The following FEZ1 variants were observed in gnomAD, a reference collection of about 807,000 sequenced individuals.
The protein encoded by FEZ1 is fasciculation and elongation protein zeta 1.
FEZ1 carries 20 observed loss-of-function variants against 49.3 expected under a neutral mutation model. The observed-to-expected ratio is 0.41, with a 90% CI of 0.29 to 0.59. FEZ1 has a LOEUF of 0.59. FEZ1 is among the 20% of genes least tolerant of loss of function. The pLI is 0.36. For synonymous variants in FEZ1, 170 were observed against 180.9 expected (o/e 0.94, Z 0.48); for missense variants, 413 against 476.0 (o/e 0.87, Z 1.23).
At position 125,489,550 on chromosome 11, in the gene FEZ1, G is replaced by A. The variant is rs1957362026; in HGVS notation, c.228C>T (p.Asn76=). 1 of 1,614,152 alleles carries A rather than the reference G, an allele frequency of 6.2e-7. No individual in the cohort carries two copies. The change falls in exon 2 of 10, where the codon AAC becomes AAT. Residue 76 remains asparagine (N), a synonymous_variant. Transcript: ENST00000278919. The surrounding 1 kb of genome is among the most constrained non-coding windows in gnomAD (Gnocchi z 4.2). ...FDEKLNVCFR[N]YNAKTENLAP... is the part of the protein sequence containing the mutation. ...CTAGGTTCTCGGTCTTGGCGTTGTAGTTCCGAAAGCAGACATTGAGCTTCT... is the reference window on the plus strand; with the variant it reads ...CTAGGTTCTCGGTCTTGGCGTTGTAATTCCGAAAGCAGACATTGAGCTTCT...
intron 6 of FEZ1, 138 bp from the exon 7 acceptor site, chr11:125,454,348 T>C: frequency 1.8e-6 from 1 of 546,756 alleles, no homozygotes; most frequent in Non-Finnish European, 3.2e-6. Flanking sequence ...AGACACTGGC[T>C]TACAGAGACA....
intron 3 of FEZ1, among the ~76,000 whole-genome samples, chr11:125,480,727 A>G (rs1957271150): frequency 1.3e-5 from 2 of 152,164 alleles, no homozygotes; most frequent in Non-Finnish European, 2.9e-5. Context: ...ATGTTGTAGT[A>G]CACAGGTTAG....
intron 1 of FEZ1, among the ~76,000 whole-genome samples, chr11:125,491,717 A>G (rs1957384308): frequency 6.6e-6 from 1 of 152,212 alleles, no homozygotes; most frequent in Non-Finnish European, 1.5e-5. Context: ...GGCAAAGGAC[A>G]TGCCAGGCAA....
In FEZ1 at chr11:125,470,252, C is replaced by T. The variant is rs576715766; in HGVS notation, c.412-6682G>A. ...CATTTAAAAACTACAAAGATGTACA[C>T]TTACTAAGACCAGAAAAAAATTTTA... On this transcript the variant is annotated intron_variant, in intron 3 of 9. Coordinates refer to ENST00000278919, the MANE Select transcript of FEZ1 (RefSeq NM_005103.5). Among the ~76,000 whole-genome samples the T allele has an allele frequency of 1.0e-4, 15 of 150,728 alleles. 1 individual carries two copies. In the South Asian group the frequency reaches 3.1e-3, roughly 31 times the overall value.
intron 3 of FEZ1, among the ~76,000 whole-genome samples, chr11:125,466,529 G>A (rs1301485382): frequency 3.3e-5 from 5 of 151,740 alleles, no homozygotes; most frequent in Non-Finnish European, 5.9e-5. Context: ...TACTATTGAC[G>A]TGAACTATGC....
intron 3 of FEZ1, among the ~76,000 whole-genome samples, chr11:125,471,613 T>C (rs1223193211): frequency 3.3e-5 from 5 of 152,088 alleles, no homozygotes; most frequent in African/African-American, 9.7e-5. Flanking sequence ...CTTCAAAATA[T>C]ATAAAACAAA....
intron 2 of FEZ1, among the ~76,000 whole-genome samples, chr11:125,487,562 T>C (rs1957336658): frequency 6.6e-6 from 1 of 152,180 alleles, no homozygotes; most frequent in Admixed American, 6.5e-5. Flanking sequence ...AGGCTCAGAA[T>C]CTAAAAAGAA....
intron 3 of FEZ1, among the ~76,000 whole-genome samples, chr11:125,471,357 G>A (rs951940127): frequency 6.6e-6 from 1 of 151,386 alleles, no homozygotes; most frequent in Non-Finnish European, 1.5e-5. Context: ...CAAGATCCAA[G>A]TATACACTAC....
chr11:125,458,091 A>C (rs1957037159), intron 5 of FEZ1, among the ~76,000 whole-genome samples: 1 of 152,206 alleles, frequency 6.6e-6, no homozygotes, highest in South Asian at 2.1e-4. Flanking sequence ...AGTCCAGTTC[A>C]GCACCGAGCA....
At chr11:125,446,868 T>A (rs1395999422) in intron 9 of FEZ1, among the ~76,000 whole-genome samples, 2 of 151,784 alleles carry the variant, frequency 1.3e-5, no homozygotes, top group African/African-American at 2.4e-5. Flanking sequence ...TGAGACGCGG[T>A]CTCACCATGT....
intron 5 of FEZ1, 176 bp from the exon 6 acceptor site, chr11:125,456,282 G>C: frequency 1.7e-6 from 1 of 593,208 alleles, no homozygotes. Context: ...GAAGGCGGGG[G>C]CCTGTGTACT....
intron 5 of FEZ1, among the ~76,000 whole-genome samples, chr11:125,459,026 A>G (rs1047210161): frequency 9.9e-5 from 15 of 152,168 alleles, no homozygotes; most frequent in African/African-American, 3.6e-4. Context: ...AGATCATGCC[A>G]CTGCACTCCA....
At chr11:125,457,702 T>C (rs2135746748) in intron 5 of FEZ1, among the ~76,000 whole-genome samples, 1 of 152,006 alleles carries the variant, frequency 6.6e-6, no homozygotes, top group East Asian at 1.9e-4. Context: ...GATGCAGACA[T>C]GCAATGCATA....
intron 9 of FEZ1, among the ~76,000 whole-genome samples, chr11:125,447,064 T>C (rs1032891057): frequency 6.6e-6 from 1 of 152,118 alleles, no homozygotes; most frequent in African/African-American, 2.4e-5. Context: ...AACAATAAAA[T>C]AATAGATCTA....
chr11:125,458,231 C>A (rs2135747325), intron 5 of FEZ1, among the ~76,000 whole-genome samples: 1 of 152,332 alleles, frequency 6.6e-6, no homozygotes, highest in African/African-American at 2.4e-5. Flanking sequence ...CCCTGACCAA[C>A]CCACCTTCTC....
At chr11:125,468,315 A>T (rs961871797) in intron 3 of FEZ1, among the ~76,000 whole-genome samples, 1 of 152,044 alleles carries the variant, frequency 6.6e-6, no homozygotes, top group African/African-American at 2.4e-5. Context: ...GTAGCTAGGA[A>T]CATAGGTGCA....
At chr11:125,454,282 G>T in intron 6 of FEZ1, 72 bp from the exon 7 acceptor site, 1 of 1,167,568 alleles carries the variant, frequency 8.6e-7, no homozygotes, top group Non-Finnish European at 1.3e-6. Flanking sequence ...GGACCTCTCA[G>T]CTACCAGGCT....
chr11:125,452,293 A>G (rs762889660), intron 8 of FEZ1, 41 bp downstream of exon 8: 1 of 1,380,392 alleles, frequency 7.2e-7, no homozygotes, highest in Non-Finnish European at 1.0e-6. Flanking sequence ...GGAAGGGAGA[A>G]AAAGGAGCCA....
intron 2 of FEZ1, chr11:125,488,738 C>T (rs965874003): frequency 1.0e-6 from 1 of 985,326 alleles, no homozygotes; most frequent in Non-Finnish European, 1.2e-6. Flanking sequence ...AGCGGGGAAC[C>T]ACTGAATTTT....
Sources: allele counts gnomAD v4.1 joint callset (sites outside exome capture counted in the v4.1 genomes callset), GRCh38; gene constraint gnomAD v4.1.1; non-coding constraint Gnocchi (gnomAD v3.1); transcripts MANE v1.5; gene names NCBI Gene and HGNC (gene_info 2026-07-23, HGNC 2026-07-21).